UGT1A6: variants seen among roughly 807,000 people sequenced by gnomAD.
The protein encoded by UGT1A6 is UDP glucuronosyltransferase family 1 member A6.
UGT1A6 carries 32 observed loss-of-function variants against 44.4 expected under a neutral mutation model. That is an observed-to-expected ratio of 0.72 (90% CI 0.54 to 0.97). The LOEUF (loss-of-function observed/expected upper bound fraction) is 0.97, where lower values mean the gene tolerates loss of function less well. Among genes scored for constraint, UGT1A6 ranks in the 50% least tolerant of loss-of-function variants. The pLI is 0.00. For missense variants in UGT1A6, 685 were observed against 661.9 expected, an observed-to-expected ratio of 1.03 and a Z score of -0.38; for synonymous variants, 238 against 248.5, an observed-to-expected ratio of 0.96 and a Z score of 0.40.
chr2:233,697,902 T>C (rs1224525194), intron 1 of UGT1A6, among the ~76,000 whole-genome samples: 1 of 152,238 alleles, frequency 6.6e-6, no homozygotes, highest in East Asian at 1.9e-4. Context: ...TCAAATCTAT[T>C]GACTCCTTCT....
intron 1 of UGT1A6, among the ~76,000 whole-genome samples, chr2:233,704,329 A>G (rs1314519852): frequency 2.4e-5 from 3 of 126,880 alleles, no homozygotes; most frequent in Non-Finnish European, 4.8e-5. Context: ...TTTTCTTTCC[A>G]CTATTTAAAA....
At position 233,772,370 on chromosome 2, in the gene UGT1A6, G is replaced by A. The variant is rs587784537; in HGVS notation, c.1410G>A (p.Ala470=). The A allele has an allele frequency of 2.5e-6, 4 of 1,614,248 alleles. No homozygotes were observed. The highest frequency in any genetic ancestry group is 1.6e-4 in the Middle Eastern group (1 of 6,062). ...WVEFVMRHKG[A]PHLRPAAHDL... The stretch of plus-strand genomic sequence containing the variant: ...AGTTTGTGATGAGGCACAAGGGCGC[G>A]CCACACCTGCGCCCCGCAGCCCACG... Residue 470 remains alanine, a synonymous_variant, in exon 5 of 5, where the codon GCG becomes GCA. Transcript: ENST00000305139.
In UGT1A6 at chr2:233,747,539, A is replaced by G; in HGVS notation, c.862-19495A>G. 4 of 1,604,572 alleles carry G rather than the reference A, an allele frequency of 2.5e-6. No individual in the cohort carries two copies. The South Asian group carries it at 3.3e-5, about 13-fold the overall frequency. ...TTGAAACAGAACATTTTCTGAAGAC[A>G]TTTTCTAAAAGTATGGCAATTTTGA... On this transcript the variant is annotated intron_variant, in intron 1 of 4. Transcript: ENST00000305139.
At chr2:233,762,785 A>G (rs1698164172) in intron 1 of UGT1A6, among the ~76,000 whole-genome samples, 1 of 150,724 alleles carries the variant, frequency 6.6e-6, no homozygotes, top group Non-Finnish European at 1.5e-5. Context: ...CTGATTATCT[A>G]CTCATTACTC....
chr2:233,708,992 T>C (rs1297218412), intron 1 of UGT1A6, among the ~76,000 whole-genome samples: 1 of 152,200 alleles, frequency 6.6e-6, no homozygotes, highest in African/African-American at 2.4e-5. Context: ...GGCCGTGGCA[T>C]CCTTCTCAGT....
In UGT1A6 at chr2:233,768,702, G is replaced by A. The variant is rs573948432; in HGVS notation, c.1301+263G>A. On this transcript the variant is annotated intron_variant, in intron 4 of 4. Coordinates refer to ENST00000305139, the MANE Select transcript of UGT1A6 (RefSeq NM_001072.4). Reference sequence around the variant, plus strand: ...CCCACGTTCAAGCAGTTCTGCCTCAGCCTCCGTGTAGCTGGGATTACAGGT... The same window carrying A: ...CCCACGTTCAAGCAGTTCTGCCTCAACCTCCGTGTAGCTGGGATTACAGGT... 1.1e-4 allele frequency among the ~76,000 whole-genome samples: 17 copies of A among 148,464 alleles called. No homozygotes were observed. In the East Asian group the frequency reaches 3.4e-3, roughly 30 times the overall value.
rs539398300 is a variant in UGT1A6 at position 233,755,129 on chromosome 2, C to T, written c.862-11905C>T. The T allele has an allele frequency of 4.5e-6, 6 of 1,320,750 alleles. No individual in the cohort carries two copies. The South Asian group carries it at 5.7e-5, about 13-fold the overall frequency. 81.8% of individuals were successfully genotyped at this position (1,320,750 alleles called of 1,614,324 possible). ...ACACCTCGTAGGCCTCAGCCACCTG[C>T]TTGAATCTTCTCACCGCTTCCTCCC... On this transcript the variant is annotated intron_variant, in intron 1 of 4. Transcript: ENST00000305139.
chr2:233,769,618 G>A lies in UGT1A6; in HGVS notation c.1301+1179G>A. ...GGAACACGGGGACACACCAGCTTGA[G>A]CAAGGGACAACAGGGGAGGACTGAT... On this transcript the variant is annotated intron_variant, in intron 4 of 4. Coordinates refer to ENST00000305139, the MANE Select transcript of UGT1A6 (RefSeq NM_001072.4). This position sits in a 1 kb window ranked among gnomAD's most constrained non-coding sequence, Gnocchi z 4.4. The A allele has an allele frequency of 1.9e-6, 3 of 1,612,672 alleles. No individual in the cohort carries two copies. Among genetic ancestry groups the A allele is most frequent in the Non-Finnish European group, 2.5e-6 (3 of 1,179,802 alleles).
At chr2:233,729,676 G>A in intron 1 of UGT1A6, 1 of 1,613,778 alleles carries the variant, frequency 6.2e-7, no homozygotes, top group African/African-American at 1.3e-5. Context: ...AGACTTTAAG[G>A]GCACACAGTG....
intron 1 of UGT1A6, among the ~76,000 whole-genome samples, chr2:233,701,051 A>C (rs2075606914): frequency 6.6e-6 from 1 of 152,170 alleles, no homozygotes; most frequent in African/African-American, 2.4e-5. Context: ...ACATGAACTC[A>C]TAATTTTTTA....
chr2:233,713,014 C>T lies in UGT1A6; in HGVS notation c.861+19149C>T, dbSNP rs771842103. Reference sequence around the variant, plus strand: ...GAGATGGCCACAGGACTCCAGGTTCCCCTGCCGCAGCTGGCCACAGGACTG... The same window carrying T: ...GAGATGGCCACAGGACTCCAGGTTCTCCTGCCGCAGCTGGCCACAGGACTG... On this transcript the variant is annotated intron_variant, in intron 1 of 4. Coordinates refer to ENST00000305139, the MANE Select transcript of UGT1A6 (RefSeq NM_001072.4). 9 of 1,613,568 alleles carry T rather than the reference C, an allele frequency of 5.6e-6. No individual in the cohort carries two copies. In the African/African-American group the frequency reaches 8.0e-5, roughly 14 times the overall value.
chr2:233,696,987 C>T lies in UGT1A6; in HGVS notation c.861+3122C>T, dbSNP rs541044034. On this transcript the variant is annotated intron_variant, in intron 1 of 4. Coordinates refer to ENST00000305139, the MANE Select transcript of UGT1A6 (RefSeq NM_001072.4). ...TATTGGATTTGGTTTGCTGGTGTTT[C>T]GTTGAGATTTTTGCATCTATGTTCG... Among the ~76,000 whole-genome samples, 10 of 152,010 alleles carry T rather than the reference C, an allele frequency of 6.6e-5. 1 individual carries two copies. The South Asian group carries it at 1.7e-3, about 25-fold the overall frequency.
intron 1 of UGT1A6, chr2:233,754,863 C>G (rs533816242): frequency 1.9e-5 from 25 of 1,351,158 alleles, no homozygotes; most frequent in Admixed American, 3.8e-5. Flanking sequence ...GGGTGCAGAC[C>G]CTCTGCTTCT....
intron 1 of UGT1A6, among the ~76,000 whole-genome samples, chr2:233,707,484 T>TA (rs1234449906): frequency 6.6e-6 from 1 of 152,176 alleles, no homozygotes; most frequent in Admixed American, 6.5e-5. Context: ...CAGATGATTT[T>TA]ACCTGTTTCG....
chr2:233,743,530 C>G (rs781463146), intron 1 of UGT1A6: 8 of 1,367,244 alleles, frequency 5.9e-6, no homozygotes, highest in East Asian at 4.6e-5. Context: ...GCTTCCCCAG[C>G]AGTTCCTCTG....
intron 1 of UGT1A6, among the ~76,000 whole-genome samples, chr2:233,739,239 G>C (rs1225583543): frequency 6.6e-6 from 1 of 152,230 alleles, no homozygotes; most frequent in Non-Finnish European, 1.5e-5. Context: ...ACCTCTGCTA[G>C]AGAAGGGTGG....
At chr2:233,718,130 T>TCTA in intron 1 of UGT1A6, 1 of 281,256 alleles carries the variant, frequency 3.6e-6, no homozygotes, top group Non-Finnish European at 7.1e-6. Context: ...ATGGTGTAGA[T>TCTA]GGAGAATCCT....
rs1328782904 is a variant in UGT1A6 at position 233,692,952 on chromosome 2, G to A, written c.-53G>A. 6.2e-7 allele frequency: 1 copy of A among 1,605,070 alleles called. No individual in the cohort carries two copies. Among genetic ancestry groups the A allele is most frequent in the African/African-American group, 1.3e-5 (1 of 74,674 alleles). ...TAGGGAAAATACCTAGGAGCCCTGT[G>A]ATTTGGAGAGTGAAAACTCTTTATT... On this transcript the variant is annotated 5_prime_UTR_variant, in exon 1 of 5. Coordinates refer to ENST00000305139, the MANE Select transcript of UGT1A6 (RefSeq NM_001072.4).
Position 233,719,236 on chromosome 2 carries a change from G to C in UGT1A6, c.861+25371G>C, listed in dbSNP as rs766129715. The C allele has an allele frequency of 2.5e-5, 41 of 1,614,064 alleles. 1 individual carries two copies. The South Asian group carries it at 4.4e-4, about 17-fold the overall frequency. On this transcript the variant is annotated intron_variant, in intron 1 of 4. Transcript: ENST00000305139. ...CTACTGCATAATGAGGCCCTGATCA[G>C]GCACCTGAATGCTACTTCCTTTGAT...
Sources: allele counts gnomAD v4.1 joint callset (sites outside exome capture counted in the v4.1 genomes callset), GRCh38; gene constraint gnomAD v4.1.1; non-coding constraint Gnocchi (gnomAD v3.1); transcripts MANE v1.5; gene names NCBI Gene and HGNC (gene_info 2026-07-23, HGNC 2026-07-21).